The following XPO4 variants were observed in gnomAD, a reference collection of about 807,000 sequenced individuals.
XPO4 encodes exportin-4.
In XPO4, 39 loss-of-function variants were observed where a neutral mutation model predicts 143.0. The ratio of observed to expected loss-of-function variants is 0.27; its 90% CI spans 0.21 to 0.36. XPO4 has a LOEUF of 0.36. Among genes scored for constraint, XPO4 ranks in the 10% least tolerant of loss-of-function variants. The pLI is 1.00. For synonymous variants in XPO4, 439 were observed against 474.0 expected (o/e 0.93, Z 0.96); for missense variants, 907 against 1,348.0 (o/e 0.67, Z 5.12).
chr13:20,790,367 A>C lies in XPO4; in HGVS notation c.2916+95T>G. On this transcript the variant is annotated intron_variant, in intron 19 of 22. Coordinates refer to ENST00000255305, the MANE Select transcript of XPO4 (RefSeq NM_022459.5). Reference sequence around the variant, plus strand: ...TCTTCATGTGCACTTAGCAGATACAACTACTAAATTAAATCACAGATATAT... The same window carrying C: ...TCTTCATGTGCACTTAGCAGATACACCTACTAAATTAAATCACAGATATAT... The C allele has an allele frequency of 3.1e-6, 3 of 981,840 alleles. No individual in the cohort carries two copies. In the Admixed American group the frequency reaches 5.3e-5, roughly 17 times the overall value. The allele number at this position is 981,840 out of a possible 1,614,324, so 60.8% of individuals were successfully genotyped here.
At chr13:20,789,020 T>C (rs1051683532) in intron 19 of XPO4, among the ~76,000 whole-genome samples, 5 of 152,244 alleles carry the variant, frequency 3.3e-5, no homozygotes, top group Non-Finnish European at 7.3e-5. Context: ...ATACAAATTG[T>C]TAAGACTATG....
chr13:20,822,951 G>A (rs1222159184), intron 7 of XPO4, among the ~76,000 whole-genome samples: 3 of 152,076 alleles, frequency 2.0e-5, no homozygotes, highest in South Asian at 2.1e-4. Context: ...GATACAATAC[G>A]GACATGAAAC....
intron 4 of XPO4, among the ~76,000 whole-genome samples, chr13:20,846,715 A>G (rs748433897): frequency 2.6e-5 from 4 of 152,192 alleles, no homozygotes; most frequent in Non-Finnish European, 5.9e-5. Context: ...CTACAATCCT[A>G]CCATCCAGGA....
chr13:20,790,693 G>A, intron 18 of XPO4, 113 bp from the exon 19 acceptor site: 1 of 808,678 alleles, frequency 1.2e-6, no homozygotes, highest in East Asian at 2.7e-5. Flanking sequence ...AAATCAATGA[G>A]TGAATAATAA....
chr13:20,820,579 A>T (rs2059706153), intron 9 of XPO4, among the ~76,000 whole-genome samples: 1 of 152,232 alleles, frequency 6.6e-6, no homozygotes, highest in South Asian at 2.1e-4. Flanking sequence ...TTAAAATGTT[A>T]AATACTTAAA....
intron 1 of XPO4, among the ~76,000 whole-genome samples, chr13:20,890,502 A>G (rs1463646336): frequency 3.3e-5 from 5 of 151,898 alleles, no homozygotes. Flanking sequence ...ATCAGAAGAA[A>G]TACGCAAAGA....
At position 20,790,591 on chromosome 13, in the gene XPO4, A is replaced by C; in HGVS notation, c.2798-11T>G. ...CTCTAAACACTTCATCTATTAAAAT[A>C]AAAGGATGCAGGCTTATGGTGGTAA... On this transcript the variant is annotated splice_polypyrimidine_tract_variant and intron_variant, in intron 18 of 22. Coordinates refer to ENST00000255305, the MANE Select transcript of XPO4 (RefSeq NM_022459.5). The C allele has an allele frequency of 6.2e-7, 1 of 1,602,914 alleles. No individual in the cohort carries two copies. The highest frequency in any genetic ancestry group is 1.7e-4 in the Middle Eastern group (1 of 6,044).
chr13:20,787,140 A>C (rs1595049655), intron 21 of XPO4, 83 bp from the exon 22 acceptor site: 1 of 1,170,690 alleles, frequency 8.5e-7, no homozygotes, highest in Non-Finnish European at 1.2e-6. Flanking sequence ...AAAGAAGAAG[A>C]GAGGGTTGGT....
intron 2 of XPO4, 162 bp from the exon 3 acceptor site, chr13:20,863,020 T>C: frequency 4.3e-6 from 6 of 1,400,882 alleles, no homozygotes; most frequent in Non-Finnish European, 5.6e-6. Context: ...AAGAGGTTAG[T>C]TCCTCTCAGA....
Position 20,868,677 on chromosome 13 carries a change from C to A in XPO4, c.94G>T (p.Glu32Ter). 1 of 1,612,720 alleles carries A rather than the reference C, an allele frequency of 6.2e-7. No individual in the cohort carries two copies. Among genetic ancestry groups the A allele is most frequent in the South Asian group, 1.1e-5 (1 of 90,874 alleles). ...LMAPPSMVNN[E>*]QRQHAEHIFL... ...ATGTGCTCTGCATGCTGGCGTTGTTCATTATTGACCATGGAAGGTGGTGCC... is the reference window on the plus strand; with the variant it reads ...ATGTGCTCTGCATGCTGGCGTTGTTAATTATTGACCATGGAAGGTGGTGCC... The change falls in exon 2 of 23, where the codon GAA (glutamate) becomes TAA (stop). Residue 32 changes from glutamate (E) to a stop codon, truncating the protein, a stop_gained. Transcript: ENST00000255305. LOFTEE classifies it high-confidence loss of function.
intron 9 of XPO4, among the ~76,000 whole-genome samples, chr13:20,821,406 A>G (rs773197592): frequency 2.6e-5 from 4 of 152,074 alleles, no homozygotes; most frequent in Non-Finnish European, 5.9e-5. Flanking sequence ...CATAATTTTT[A>G]CATGAAAAAT....
intron 13 of XPO4, among the ~76,000 whole-genome samples, chr13:20,804,161 A>G (rs2059472596): frequency 6.6e-6 from 1 of 150,696 alleles, no homozygotes; most frequent in Non-Finnish European, 1.5e-5. Context: ...CACACAATAT[A>G]TATATACACA....
chr13:20,886,807 C>T (rs1345879496), intron 1 of XPO4, among the ~76,000 whole-genome samples: 1 of 152,142 alleles, frequency 6.6e-6, no homozygotes, highest in Non-Finnish European at 1.5e-5. Flanking sequence ...GGCGTGTTAG[C>T]TCATGCCTGT....
chr13:20,896,971 C>G (rs2060575615), intron 1 of XPO4, among the ~76,000 whole-genome samples: 1 of 152,174 alleles, frequency 6.6e-6, no homozygotes, highest in South Asian at 2.1e-4. Context: ...TTCTCTGGAT[C>G]ACTGGCTATG....
intron 1 of XPO4, among the ~76,000 whole-genome samples, chr13:20,892,898 A>AT (rs1171404284): frequency 2.9e-4 from 43 of 149,238 alleles, no homozygotes; most frequent in Non-Finnish European, 5.7e-4. Context: ...ATAAAAAAAA[A>AT]AAAATAAAAG....
intron 3 of XPO4, among the ~76,000 whole-genome samples, chr13:20,858,252 A>C (rs2060162937): frequency 6.6e-6 from 1 of 152,196 alleles, no homozygotes; most frequent in African/African-American, 2.4e-5. Context: ...TAAAGGAAAA[A>C]GGATGTAAAT....
intron 3 of XPO4, chr13:20,856,962 TA>T (rs1434266944): frequency 1.1e-6 from 1 of 887,594 alleles, no homozygotes; most frequent in Non-Finnish European, 1.3e-6. Context: ...CTATGCACAC[TA>T]GCATATGCAA....
chr13:20,887,077 A>AAAT (rs2060468199), intron 1 of XPO4, among the ~76,000 whole-genome samples: 1 of 152,142 alleles, frequency 6.6e-6, no homozygotes, highest in African/African-American at 2.4e-5. Flanking sequence ...TCTCAAAAAA[A>AAAT]AAATAAATAA....
intron 7 of XPO4, among the ~76,000 whole-genome samples, chr13:20,825,318 T>A (rs1173993556): frequency 6.6e-6 from 1 of 152,196 alleles, no homozygotes; most frequent in Non-Finnish European, 1.5e-5. Context: ...TATCCAAATC[T>A]AGCACAAGTG....
Sources: allele counts gnomAD v4.1 joint callset (sites outside exome capture counted in the v4.1 genomes callset), GRCh38; gene constraint gnomAD v4.1.1; transcripts MANE v1.5; gene names NCBI Gene and HGNC (gene_info 2026-07-23, HGNC 2026-07-21).